The following KCNK9 variants were observed in gnomAD, a reference collection of about 807,000 sequenced individuals.
The protein encoded by KCNK9 is potassium channel subfamily K member 9.
A neutral mutation model predicts 10.8 loss-of-function variants in KCNK9; 1 was observed. The ratio of observed to expected loss-of-function variants is 0.09; its 90% CI spans 0.03 to 0.44. The LOEUF (loss-of-function observed/expected upper bound fraction) is 0.44. Among genes scored for constraint, KCNK9 ranks in the 20% least tolerant of loss-of-function variants. The probability of loss-of-function intolerance (pLI) is 0.97; values close to 1 mark genes in which losing one functional copy is unlikely to be tolerated. For missense variants in KCNK9, 303 were observed against 515.0 expected (o/e 0.59, Z 3.98); for synonymous variants, 231 against 222.7 (o/e 1.04, Z -0.33).
intron 1 of KCNK9, among the ~76,000 whole-genome samples, chr8:139,658,248 C>T (rs1816068190): frequency 1.3e-5 from 2 of 152,180 alleles, no homozygotes; most frequent in Admixed American, 6.5e-5. Context: ...CTGAGAGGAG[C>T]CCAGTGAGCA....
At chr8:139,653,764 A>T (rs1450648445) in intron 1 of KCNK9, among the ~76,000 whole-genome samples, 1 of 152,270 alleles carries the variant, frequency 6.6e-6, no homozygotes, top group Non-Finnish European at 1.5e-5. Flanking sequence ...CGGCATTATC[A>T]GCTCAAGAAA....
At chr8:139,634,976 G>C (rs892125097) in intron 1 of KCNK9, among the ~76,000 whole-genome samples, 16 of 152,136 alleles carry the variant, frequency 1.1e-4, no homozygotes, top group African/African-American at 3.9e-4. Context: ...AGGCGTCTAG[G>C]GCCAGCATCA....
At chr8:139,657,550 T>TAAAACCCCCCAGAGCC (rs1043036400) in intron 1 of KCNK9, among the ~76,000 whole-genome samples, 4 of 151,880 alleles carry the variant, frequency 2.6e-5, no homozygotes, top group Middle Eastern at 3.2e-3. Flanking sequence ...CTCCCTGAAC[T>TAAAACCCCCCAGAGCC]AAAACCCCCC....
In KCNK9 at chr8:139,626,107, T is replaced by A. The variant is rs562720735; in HGVS notation, c.284-7008A>T. ...GACACTCAAAGTATCCAGTGGGCTG[T>A]CCCCACTGGAAAAAGGCAAATAGGG... is the stretch of plus-strand genomic sequence containing the variant. On this transcript the variant is annotated intron_variant, in intron 1 of 1. Transcript: ENST00000520439. Among the ~76,000 whole-genome samples, 9 of 152,178 alleles carry A rather than the reference T, an allele frequency of 5.9e-5. No homozygotes were observed. In the South Asian group the frequency reaches 1.9e-3, roughly 32 times the overall value.
At chr8:139,683,757 A>T (rs1327238807) in intron 1 of KCNK9, among the ~76,000 whole-genome samples, 1 of 152,228 alleles carries the variant, frequency 6.6e-6, no homozygotes, top group African/African-American at 2.4e-5. Context: ...ATTACTTTCC[A>T]GGAGACCAGA....
downstream of KCNK9, chr8:139,616,439 T>A (rs533390015): frequency 6.6e-6 from 1 of 152,332 alleles, no homozygotes; most frequent in South Asian, 2.1e-4. Flanking sequence ...GTTCGCAGAC[T>A]CCTTCGAAGG....
At chr8:139,608,005 G>A (rs1563710266), downstream of KCNK9, among the ~76,000 whole-genome samples, 1 of 152,236 alleles carries the variant, frequency 6.6e-6, no homozygotes, top group Admixed American at 6.5e-5. Flanking sequence ...ACACCACCCA[G>A]TGCCTGCTGG....
chr8:139,606,564 T>G (rs1470817595), intron 2 of KCNK9, among the ~76,000 whole-genome samples: 1 of 152,208 alleles, frequency 6.6e-6, no homozygotes, highest in Admixed American at 6.5e-5. Flanking sequence ...ATTTCTTCTA[T>G]GCCTGGAGTC....
rs1815133915 is a variant in KCNK9 at position 139,630,589 on chromosome 8, G to A, written c.284-11490C>T. Among the ~76,000 whole-genome samples, 8 of 152,368 alleles carry A rather than the reference G, an allele frequency of 5.3e-5. No individual in the cohort carries two copies. In the South Asian group the frequency reaches 1.7e-3, roughly 32 times the overall value. ...CTGAGCCTGCACCATATCTGCCAAT[G>A]GAAGGCCCGCGGAGTGGCTTTGGGG... On this transcript the variant is annotated intron_variant, in intron 1 of 1. Transcript: ENST00000520439.
At chr8:139,675,817 G>A (rs143285727) in intron 1 of KCNK9, among the ~76,000 whole-genome samples, 63 of 152,014 alleles carry the variant, frequency 4.1e-4, no homozygotes, top group African/African-American at 1.5e-3. Context: ...AGCCTCCTGT[G>A]ACAGAACCTG....
chr8:139,647,769 G>GA (rs1300683524), intron 1 of KCNK9, among the ~76,000 whole-genome samples: 2 of 152,108 alleles, frequency 1.3e-5, no homozygotes, highest in African/African-American at 4.8e-5. Flanking sequence ...AGCCCTAAGG[G>GA]ACTTCACTTC....
At chr8:139,681,539 C>T (rs947817804) in intron 1 of KCNK9, among the ~76,000 whole-genome samples, 4 of 152,214 alleles carry the variant, frequency 2.6e-5, no homozygotes, top group Non-Finnish European at 4.4e-5. Flanking sequence ...GAACTTGACC[C>T]GGCAGACTTC....
At chr8:139,699,001 T>C (rs563013075) in intron 1 of KCNK9, among the ~76,000 whole-genome samples, 1 of 152,260 alleles carries the variant, frequency 6.6e-6, no homozygotes, top group South Asian at 2.1e-4. Context: ...GCCCCGAGGT[T>C]CTGGGGAAAT....
At chr8:139,666,829 T>C (rs1250891021) in intron 1 of KCNK9, among the ~76,000 whole-genome samples, 2 of 152,260 alleles carry the variant, frequency 1.3e-5, no homozygotes, top group Non-Finnish European at 2.9e-5. Flanking sequence ...CTCATCCATT[T>C]TTTCAGCCTT....
rs1224935293 is a variant in KCNK9 at position 139,618,306 on chromosome 8, G to T, written c.1077C>A (p.His359Gln). 6.2e-7 allele frequency: 1 copy of T among 1,614,208 alleles called. No homozygotes were observed. Among genetic ancestry groups the T allele is most frequent in the Non-Finnish European group, 8.5e-7 (1 of 1,180,036 alleles). Residue 359 changes from histidine (H) to glutamine (Q), a missense_variant, in exon 2 of 2, where the codon CAC becomes CAA. Physicochemically the swap from His to Gln is conservative, Grantham distance 24. Coordinates refer to ENST00000520439, the MANE Select transcript of KCNK9 (RefSeq NM_001282534.2). This position sits in a 1 kb window ranked among gnomAD's most constrained non-coding sequence, Gnocchi z 7.9. The stretch of plus-strand genomic sequence containing the variant: ...TCAGCCTCTGGTGGTCGGTAAAGCT[G>T]TGTAACCCAGGAGAGATGGAGCTAA... Reference protein sequence around the residue: ...SPISSISPGLHSFTDHQRLMK... With the variant: ...SPISSISPGLQSFTDHQRLMK...
intron 1 of KCNK9, among the ~76,000 whole-genome samples, chr8:139,649,621 C>T (rs759429524): frequency 9.2e-5 from 14 of 152,194 alleles, no homozygotes; most frequent in Non-Finnish European, 1.8e-4. Context: ...GCGACAGATA[C>T]ACTCCCCTGC....
rs752311617 is a variant in KCNK9, at chr8:139,618,227, T to G, written c.*31A>C. The stretch of plus-strand genomic sequence containing the variant: ...GGAAATTAACACCAACTATGACAAA[T>G]GACTTTTCTGTCCCATTTCCCTCCC... On this transcript the variant is annotated 3_prime_UTR_variant, in exon 2 of 2. Transcript: ENST00000520439. The surrounding 1 kb of genome is among the most constrained non-coding windows in gnomAD (Gnocchi z 7.9). 1.5e-5 allele frequency: 25 copies of G among 1,613,924 alleles called. No individual in the cohort carries two copies. The highest frequency in any genetic ancestry group is 1.9e-5 in the Non-Finnish European group (23 of 1,179,968).
chr8:139,604,977 C>G (rs1207438990), intron 2 of KCNK9, among the ~76,000 whole-genome samples: 3 of 152,224 alleles, frequency 2.0e-5, no homozygotes, highest in Non-Finnish European at 4.4e-5. Flanking sequence ...AATGCACCTT[C>G]TCAGCCCCAT....
chr8:139,676,357 G>T (rs1816550513), intron 1 of KCNK9, among the ~76,000 whole-genome samples: 1 of 152,214 alleles, frequency 6.6e-6, no homozygotes, highest in Admixed American at 6.5e-5. Flanking sequence ...GTTGTCTCCT[G>T]CTCTGGTCTG....
Sources: gnomAD v4.1 joint callset for allele counts (sites outside exome capture counted in the v4.1 genomes callset) on GRCh38, gnomAD v4.1.1 for gene constraint, Gnocchi (gnomAD v3.1) non-coding constraint, MANE v1.5 for transcripts, NCBI Gene and HGNC (gene_info 2026-07-23, HGNC 2026-07-21) for gene names.